The following WNT2 variants were observed in gnomAD, a reference collection of about 807,000 sequenced individuals.
The protein encoded by WNT2 is protein Wnt-2.
Under a neutral mutation model 36.9 loss-of-function variants are expected in WNT2, and 12 were observed. The observed-to-expected ratio is 0.33, with a 90% CI of 0.21 to 0.53. The LOEUF (loss-of-function observed/expected upper bound fraction) is 0.53, where lower values mean the gene tolerates loss of function less well. WNT2 is among the 20% of genes least tolerant of loss of function. WNT2 has a pLI of 0.95. For synonymous variants in WNT2, 163 were observed against 174.6 expected, an observed-to-expected ratio of 0.93 and a Z score of 0.52; for missense variants, 379 against 473.1, an observed-to-expected ratio of 0.80 and a Z score of 1.84.
chr7:117,276,201 C>A lies in WNT2; in HGVS notation c.*1954G>T, dbSNP rs771081391. Among the ~76,000 whole-genome samples the A allele has an allele frequency of 5.9e-5, 9 of 152,208 alleles. No homozygotes were observed. The highest frequency in any genetic ancestry group is 1.2e-4 in the Non-Finnish European group (8 of 68,034). On this transcript the variant is annotated 3_prime_UTR_variant, in exon 5 of 5. Coordinates refer to ENST00000265441, the MANE Select transcript of WNT2 (RefSeq NM_003391.3). ...AGGAAGCTGAGATGTCTCCTAAGAT[C>A]CTTTCCAATTTGAAACACAGCCTGG...
At chr7:117,286,545 C>T (rs557632281) in intron 4 of WNT2, among the ~76,000 whole-genome samples, 2 of 152,114 alleles carry the variant, frequency 1.3e-5, no homozygotes, top group East Asian at 1.9e-4. Context: ...TCTAGGATGA[C>T]AGAGGCCCAT....
chr7:117,298,852 G>A (rs1794846086), intron 3 of WNT2, among the ~76,000 whole-genome samples: 1 of 152,188 alleles, frequency 6.6e-6, no homozygotes, highest in South Asian at 2.1e-4. Context: ...CCATTTTATA[G>A]ATGAGGAACC....
rs766152920 is a variant in WNT2 at position 117,322,892 on chromosome 7, T to G, written c.83+15A>C. 9 of 1,612,452 alleles carry G rather than the reference T, an allele frequency of 5.6e-6. No individual in the cohort carries two copies. The highest frequency in any genetic ancestry group is 5.9e-6 in the Non-Finnish European group (7 of 1,179,276). ...CGATCTCCAAAATCCCCCGCGCCCG[T>G]GCGCGTGGACTTACCACCATGAAGA... On this transcript the variant is annotated intron_variant, in intron 1 of 4. Transcript: ENST00000265441. This position sits in a 1 kb window ranked among gnomAD's most constrained non-coding sequence, Gnocchi z 5.4.
At position 117,278,268 on chromosome 7, in the gene WNT2, A is replaced by G. The variant is rs904678776; in HGVS notation, c.970T>C (p.Cys324Arg). 6.2e-7 allele frequency: 1 copy of G among 1,614,216 alleles called. No homozygotes were observed. ...DTSHVTRMTKCGCKFHWCCAV... is the reference protein window; with the variant it reads ...DTSHVTRMTKRGCKFHWCCAV... ...CAGCACCAGTGGAACTTACACCCAC[A>G]CTTGGTCATCCGGGTGACATGGGAG... Residue 324 changes from cysteine (C) to arginine (R), a missense_variant, in exon 5 of 5, where the codon TGT becomes CGT. By Grantham distance (180) the Cys-to-Arg change is radical. Coordinates refer to ENST00000265441, the MANE Select transcript of WNT2 (RefSeq NM_003391.3).
chr7:117,311,409 C>T (rs754914638), intron 3 of WNT2, among the ~76,000 whole-genome samples: 10 of 152,102 alleles, frequency 6.6e-5, no homozygotes, highest in South Asian at 2.1e-4. Flanking sequence ...AGAACAGGAG[C>T]GGATGTGAAC....
Position 117,277,993 on chromosome 7 carries a change from C to A in WNT2, c.*162G>T. The stretch of plus-strand genomic sequence containing the variant: ...TAGGCTTTAGGTGCAGCGTGTGGCC[C>A]CCCCATCCTGGGGCCCCCAGGGAGG... On this transcript the variant is annotated 3_prime_UTR_variant, in exon 5 of 5. Coordinates refer to ENST00000265441, the MANE Select transcript of WNT2 (RefSeq NM_003391.3). 1 of 715,340 alleles carries A rather than the reference C, an allele frequency of 1.4e-6. No individual in the cohort carries two copies. The highest frequency in any genetic ancestry group is 2.3e-6 in the Non-Finnish European group (1 of 432,720). 44.3% of individuals were successfully genotyped at this position (715,340 alleles called of 1,614,324 possible). A position where few individuals can be genotyped will look rare whatever the true frequency, so the allele number is the denominator to read the frequency against.
At chr7:117,302,140 A>T (rs562291407) in intron 3 of WNT2, among the ~76,000 whole-genome samples, 143 of 152,254 alleles carry the variant, frequency 9.4e-4, no homozygotes, top group African/African-American at 3.4e-3. Flanking sequence ...AAAATATTAC[A>T]TACCTGTTAT....
intron 3 of WNT2, among the ~76,000 whole-genome samples, chr7:117,303,455 CCAATGGAT>C (rs1794946705): frequency 6.6e-6 from 1 of 152,146 alleles, no homozygotes; most frequent in East Asian, 1.9e-4. Flanking sequence ...AAGCCAAATA[CCAATGGAT>C]CAATGGATAA....
intron 4 of WNT2, among the ~76,000 whole-genome samples, chr7:117,294,439 G>T (rs1354767120): frequency 6.6e-6 from 1 of 152,056 alleles, no homozygotes; most frequent in African/African-American, 2.4e-5. Context: ...ATGGTCAACA[G>T]AATTAAAAAG....
intron 3 of WNT2, among the ~76,000 whole-genome samples, chr7:117,301,580 C>T (rs1794906536): frequency 1.3e-5 from 2 of 152,312 alleles, no homozygotes; most frequent in South Asian, 2.1e-4. Context: ...CACCGTCAGG[C>T]AAAGTAAGTT....
chr7:117,315,229 T>C lies in WNT2; in HGVS notation c.430A>G (p.Ser144Gly). The C allele has an allele frequency of 6.2e-7, 1 of 1,614,230 alleles. No homozygotes were observed. Among genetic ancestry groups the C allele is most frequent in the Non-Finnish European group, 8.5e-7 (1 of 1,180,030 alleles). Residue 144 changes from serine to glycine, a missense_variant, in exon 3 of 5, where the codon AGC (serine) becomes GGC (glycine). Physicochemically the swap from Ser to Gly is moderately conservative, Grantham distance 56. Transcript: ENST00000265441. ...AAAATGCCTTTGCTGTCCTTGGCGC[T>C]TCCCATCTTCTTTGGATCACAGGAA... ...SCSCDPKKMG[S>G]AKDSKGIFDW...
At position 117,278,031 on chromosome 7, in the gene WNT2, C is replaced by T. The variant is rs2228946; in HGVS notation, c.*124G>A. ...GCCCCCAGGGAGGAAGAGGGGGCTT[C>T]CGTTGAGATAAAGGCCACATGCCTT... On this transcript the variant is annotated 3_prime_UTR_variant, in exon 5 of 5. Coordinates refer to ENST00000265441, the MANE Select transcript of WNT2 (RefSeq NM_003391.3). 0.2 allele frequency: 225,488 copies of T among 1,121,734 alleles called. 24,899 individuals are homozygous for T. Among genetic ancestry groups the T allele is most frequent in the African/African-American group, 0.33 (21,225 of 64,052 alleles). The allele number at this position is 1,121,734 out of a possible 1,614,324, so 69.5% of individuals were successfully genotyped here. A position where few individuals can be genotyped will look rare whatever the true frequency, so the allele number is the denominator to read the frequency against.
rs755655440 is a variant in WNT2, at chr7:117,278,305, T to C, written c.933A>G (p.Arg311=). 6.2e-7 allele frequency: 1 copy of C among 1,614,130 alleles called. No individual in the cohort carries two copies. The highest frequency in any genetic ancestry group is 1.7e-5 in the Admixed American group (1 of 60,030). The change falls in exon 5 of 5, where the codon AGA becomes AGG. Residue 311 remains arginine (R), a synonymous_variant. Coordinates refer to ENST00000265441, the MANE Select transcript of WNT2 (RefSeq NM_003391.3). The part of the protein sequence containing the change: ...MDSCEVMCCG[R]GYDTSHVTRM... ...GGGTGACATGGGAGGTGTCGTAGCC[T>C]CTCCCACAGCACATGACTTCACAGC...
intron 2 of WNT2, among the ~76,000 whole-genome samples, chr7:117,317,594 G>A (rs1427151405): frequency 6.6e-6 from 1 of 152,150 alleles, no homozygotes; most frequent in African/African-American, 2.4e-5. Flanking sequence ...TCAAGAGCTG[G>A]CTTTGTAACA....
chr7:117,295,891 C>T (rs554396608), intron 4 of WNT2, among the ~76,000 whole-genome samples: 1 of 152,150 alleles, frequency 6.6e-6, no homozygotes, highest in Non-Finnish European at 1.5e-5. Context: ...TGGTGTTGAT[C>T]ATCTAGGAGC....
At chr7:117,311,134 A>C (rs1795112539) in intron 3 of WNT2, among the ~76,000 whole-genome samples, 1 of 152,244 alleles carries the variant, frequency 6.6e-6, no homozygotes, top group Admixed American at 6.5e-5. Flanking sequence ...TCCTCCAAAA[A>C]GAAGGCTAAA....
At chr7:117,282,529 G>C (rs1794509750) in intron 4 of WNT2, among the ~76,000 whole-genome samples, 1 of 152,144 alleles carries the variant, frequency 6.6e-6, no homozygotes, top group South Asian at 2.1e-4. Flanking sequence ...AGCAATGGTG[G>C]CATGTGCCAA....
At chr7:117,297,326 G>C (rs1271233834) in intron 4 of WNT2, among the ~76,000 whole-genome samples, 1 of 151,900 alleles carries the variant, frequency 6.6e-6, no homozygotes, top group African/African-American at 2.4e-5. Flanking sequence ...CCACAGATGC[G>C]CACCACCATG....
At chr7:117,291,359 G>T (rs1343433284) in intron 4 of WNT2, among the ~76,000 whole-genome samples, 1 of 152,184 alleles carries the variant, frequency 6.6e-6, no homozygotes, top group African/African-American at 2.4e-5. Flanking sequence ...TCTGGCCCAG[G>T]TCAGGGTTTT....
Sources: gnomAD v4.1 joint callset for allele counts (sites outside exome capture counted in the v4.1 genomes callset) on GRCh38, gnomAD v4.1.1 for gene constraint, Gnocchi (gnomAD v3.1) non-coding constraint, MANE v1.5 for transcripts, NCBI Gene and HGNC (gene_info 2026-07-23, HGNC 2026-07-21) for gene names.